Variants in MYBL1 observed in about 807,000 individuals in gnomAD.
The protein encoded by MYBL1 is myb-related protein A.
Under a neutral mutation model 96.3 loss-of-function variants are expected in MYBL1, and 17 were observed. The observed-to-expected ratio is 0.18, with a 90% confidence interval of 0.12 to 0.26. MYBL1 has a LOEUF of 0.26. MYBL1 is among the 10% of genes least tolerant of loss of function. The pLI, the probability that MYBL1 is intolerant of heterozygous loss-of-function variation, is 1.00. For missense variants in MYBL1, 701 were observed against 882.9 expected (o/e 0.79, Z 2.61); for synonymous variants, 282 against 292.7 (o/e 0.96, Z 0.37).
intron 1 of MYBL1, chr8:66,612,538 A>C (rs574552587): frequency 2.6e-6 from 1 of 390,722 alleles, no homozygotes; most frequent in South Asian, 1.4e-4. Context: ...GCCTCGAAGA[A>C]GTGGCAGCAT....
rs1353610745 is a variant in MYBL1, at chr8:66,601,859, A to G, written c.127-90T>C. ...GATAACTCTCCAATTCTATTAAGGA[A>G]TATCTGGTAACCATAGAATAACTAA... On this transcript the variant is annotated intron_variant, in intron 2 of 15. Coordinates refer to ENST00000522677, the MANE Select transcript of MYBL1 (RefSeq NM_001080416.4). 1.4e-5 allele frequency: 8 copies of G among 588,900 alleles called. No individual in the cohort carries two copies. In the Admixed American group the frequency reaches 1.4e-4, roughly 10 times the overall value. The allele number at this position is 588,900 out of a possible 1,614,324, so 36.5% of individuals were successfully genotyped here.
At chr8:66,576,469 C>T in intron 9 of MYBL1, 94 bp from the exon 10 acceptor site, 1 of 1,381,852 alleles carries the variant, frequency 7.2e-7, no homozygotes, top group Non-Finnish European at 9.8e-7. Context: ...AGTTAATTAA[C>T]AACTCATTTT....
At chr8:66,582,147 G>T (rs1809236491) in intron 8 of MYBL1, among the ~76,000 whole-genome samples, 1 of 152,030 alleles carries the variant, frequency 6.6e-6, no homozygotes, top group Non-Finnish European at 1.5e-5. Context: ...CACAAAAACA[G>T]AAAATAATTA....
intron 6 of MYBL1, 145 bp from the exon 7 acceptor site, chr8:66,593,339 A>G (rs1311649441): frequency 6.0e-6 from 3 of 497,570 alleles, no homozygotes; most frequent in Non-Finnish European, 1.1e-5. Flanking sequence ...TATACCTATA[A>G]TACTTTCTTA....
chr8:66,569,547 C>G (rs1231483516), intron 12 of MYBL1, among the ~76,000 whole-genome samples: 1 of 152,022 alleles, frequency 6.6e-6, no homozygotes, highest in Non-Finnish European at 1.5e-5. Context: ...GATGGGGTTT[C>G]ACCATGTTGC....
At chr8:66,608,300 T>C (rs971667313) in intron 1 of MYBL1, among the ~76,000 whole-genome samples, 2 of 152,184 alleles carry the variant, frequency 1.3e-5, no homozygotes, top group African/African-American at 4.8e-5. Flanking sequence ...CACTGAGTTA[T>C]ATAGCCCATT....
chr8:66,586,043 T>G (rs1463160856), intron 8 of MYBL1, among the ~76,000 whole-genome samples: 8 of 104,966 alleles, frequency 7.6e-5, no homozygotes, highest in Non-Finnish European at 1.1e-4. Flanking sequence ...TTTTTTGGTG[T>G]TTTTTTTTTT....
intron 12 of MYBL1, among the ~76,000 whole-genome samples, chr8:66,571,738 G>A (rs1191393606): frequency 6.6e-5 from 10 of 151,786 alleles, no homozygotes; most frequent in East Asian, 1.9e-4. Flanking sequence ...AAAATTAGCT[G>A]GGCGTGGTGG....
chr8:66,598,490 AC>A (rs1415596082), intron 4 of MYBL1, among the ~76,000 whole-genome samples: 1 of 152,182 alleles, frequency 6.6e-6, no homozygotes, highest in Non-Finnish European at 1.5e-5. Flanking sequence ...TGCATTAGCA[AC>A]CTTTATGACT....
chr8:66,612,548 T>A (rs1810573470), intron 1 of MYBL1: 2 of 394,806 alleles, frequency 5.1e-6, no homozygotes, highest in African/African-American at 2.1e-5. Flanking sequence ...AGTGGCAGCA[T>A]GAGGTCAGAA....
At chr8:66,581,457 G>A (rs1317709740) in intron 8 of MYBL1, among the ~76,000 whole-genome samples, 1 of 152,118 alleles carries the variant, frequency 6.6e-6, no homozygotes, top group Non-Finnish European at 1.5e-5. Flanking sequence ...CAGGCAGATT[G>A]CTTGAGCCCA....
chr8:66,584,758 A>G (rs1048816130), intron 8 of MYBL1, among the ~76,000 whole-genome samples: 1 of 152,184 alleles, frequency 6.6e-6, no homozygotes, highest in Admixed American at 6.5e-5. Flanking sequence ...AAACTAGCAC[A>G]AAAAGAAATC....
chr8:66,601,400 A>G (rs914411520), intron 3 of MYBL1, among the ~76,000 whole-genome samples: 1 of 152,118 alleles, frequency 6.6e-6, no homozygotes, highest in African/African-American at 2.4e-5. Context: ...TATTTCTCAC[A>G]GAATGTTTTA....
rs1487667250 is a variant in MYBL1, at chr8:66,612,854, T to C, written c.-16A>G. On this transcript the variant is annotated 5_prime_UTR_variant, in exon 1 of 16. It removes an upstream start codon present in the reference 5' UTR. Coordinates refer to ENST00000522677, the MANE Select transcript of MYBL1 (RefSeq NM_001080416.4). ...TCTTCGCCATCCTTCAAGTACCGCA[T>C]AGGAGCAGGCTGGGCGGGGACGCGG... is the stretch of plus-strand genomic sequence containing the variant. 8 of 1,367,214 alleles carry C rather than the reference T, an allele frequency of 5.9e-6. No individual in the cohort carries two copies. Among genetic ancestry groups the C allele is most frequent in the Non-Finnish European group, 7.6e-6 (8 of 1,050,368 alleles). 84.7% of individuals were successfully genotyped at this position (1,367,214 alleles called of 1,614,324 possible).
Position 66,576,045 on chromosome 8 carries a change from G to C in MYBL1, c.1432C>G (p.His478Asp), listed in dbSNP as rs767579428. The change falls in exon 10 of 16, where the codon CAT becomes GAT. Residue 478 changes from histidine (H) to aspartate (D), a missense_variant. By Grantham distance (81) the His-to-Asp change is moderately conservative. Around this residue, in one of 5 missense-constraint regions of MYBL1, gnomAD observed 396 missense variants for 407.4 expected, o/e 0.97. Coordinates refer to ENST00000522677, the MANE Select transcript of MYBL1 (RefSeq NM_001080416.4). ...AATGGTAGTGTTTTCAGTGGTGTATGTTTTAGCGCCATATTACCACCATCG... is the reference window on the plus strand; with the variant it reads ...AATGGTAGTGTTTTCAGTGGTGTATCTTTTAGCGCCATATTACCACCATCG... ...LNDGGNMALKHTPLKTLPFSP... is the reference protein window; with the variant it reads ...LNDGGNMALKDTPLKTLPFSP... 6.2e-7 allele frequency: 1 copy of C among 1,613,904 alleles called. No homozygotes were observed. Among genetic ancestry groups the C allele is most frequent in the Non-Finnish European group, 8.5e-7 (1 of 1,179,850 alleles).
In MYBL1 at chr8:66,573,521, G is replaced by T. The variant is rs781198052; in HGVS notation, c.1471-15C>A. On this transcript the variant is annotated splice_polypyrimidine_tract_variant and intron_variant, in intron 10 of 15. Coordinates refer to ENST00000522677, the MANE Select transcript of MYBL1 (RefSeq NM_001080416.4). ...GTGTTGAAAAACTAGAAAGGGAAGAGAGTTTAAAGACGACTTCTAGAACAT... is the reference window on the plus strand; with the variant it reads ...GTGTTGAAAAACTAGAAAGGGAAGATAGTTTAAAGACGACTTCTAGAACAT... 6.3e-7 allele frequency: 1 copy of T among 1,579,388 alleles called. No individual in the cohort carries two copies. Among genetic ancestry groups the T allele is most frequent in the Non-Finnish European group, 8.6e-7 (1 of 1,166,110 alleles).
chr8:66,582,796 A>C (rs912857498), intron 8 of MYBL1, among the ~76,000 whole-genome samples: 1 of 151,986 alleles, frequency 6.6e-6, no homozygotes, highest in African/African-American at 2.4e-5. Context: ...TCAGCAAAAG[A>C]ATATAATTGT....
chr8:66,579,980 CT>C (rs1422004262), intron 9 of MYBL1, among the ~76,000 whole-genome samples, 152 bp downstream of exon 9: 1 of 144,796 alleles, frequency 6.9e-6, no homozygotes, highest in Admixed American at 6.7e-5. Context: ...AAAATTTAAA[CT>C]TTTTTCCCCT....
At chr8:66,594,696 A>G (rs1809783640) in intron 6 of MYBL1, among the ~76,000 whole-genome samples, 2 of 152,232 alleles carry the variant, frequency 1.3e-5, no homozygotes, top group Non-Finnish European at 2.9e-5. Context: ...GTATCAGCAG[A>G]TAATTATACT....
Sources: gnomAD v4.1 joint callset for allele counts (sites outside exome capture counted in the v4.1 genomes callset) on GRCh38, gnomAD v4.1.1 for gene constraint, gnomAD v4.1.1 regional missense constraint, MANE v1.5 for transcripts, NCBI Gene and HGNC (gene_info 2026-07-23, HGNC 2026-07-21) for gene names.